The following POLR1C variants were observed in gnomAD, a reference collection of about 807,000 sequenced individuals.
The protein encoded by POLR1C is DNA-directed RNA polymerases I and III subunit RPAC1.
Under a neutral mutation model 38.3 loss-of-function variants are expected in POLR1C, and 42 were observed. The ratio of observed to expected loss-of-function variants is 1.10; its 90% confidence interval spans 0.86 to 1.42. POLR1C has a LOEUF of 1.42. Among genes scored for constraint, POLR1C ranks in the 40% most tolerant of loss-of-function variants. The pLI is 0.00. For missense variants in POLR1C, 507 were observed against 450.5 expected (o/e 1.13, Z -1.14); for synonymous variants, 163 against 163.9 (o/e 0.99, Z 0.04).
chr6:43,529,002 G>T, intron 8 of POLR1C: 2 of 1,358,090 alleles, frequency 1.5e-6, no homozygotes, highest in Non-Finnish European at 2.0e-6. Context: ...GCACCCCTGG[G>T]CAGAATCAAT....
chr6:43,523,938 GT>G, downstream of POLR1C: 1 of 1,614,000 alleles, frequency 6.2e-7, no homozygotes, highest in Non-Finnish European at 8.5e-7. Context: ...CATTGGCTTT[GT>G]TTTTTTGAAA....
chr6:43,536,712 G>T (rs1351463876), intron 9 of POLR1C, among the ~76,000 whole-genome samples: 1 of 126,296 alleles, frequency 7.9e-6, no homozygotes, highest in Non-Finnish European at 1.6e-5. Context: ...GTGAGCCAAG[G>T]TCGCGCCACT....
chr6:43,558,052 G>A (rs945650851), intron 10 of POLR1C, among the ~76,000 whole-genome samples: 1 of 150,914 alleles, frequency 6.6e-6, no homozygotes, highest in Non-Finnish European at 1.5e-5. Context: ...CCGAGATCGC[G>A]CCATTGCACT....
chr6:43,546,734 T>C, intron 9 of POLR1C: 1 of 1,601,378 alleles, frequency 6.2e-7, no homozygotes, highest in Non-Finnish European at 8.5e-7. Context: ...CCCAGAATGC[T>C]GTATACACAA....
downstream of POLR1C, among the ~76,000 whole-genome samples, chr6:43,530,052 T>C (rs896277176): frequency 1.3e-5 from 2 of 151,994 alleles, no homozygotes; most frequent in African/African-American, 2.4e-5. Context: ...GTCAGGAGTT[T>C]GAGACCAGCC....
intron 10 of POLR1C, among the ~76,000 whole-genome samples, chr6:43,557,009 T>A (rs918628007): frequency 6.6e-6 from 1 of 151,564 alleles, no homozygotes; most frequent in African/African-American, 2.4e-5. Flanking sequence ...ATGCCTATAA[T>A]CCCAGTTACT....
At chr6:43,527,366 G>T in intron 8 of POLR1C, 1 of 289,076 alleles carries the variant, frequency 3.5e-6, no homozygotes, top group Admixed American at 4.8e-5. Context: ...CCGCCTCCCG[G>T]GTTCAAGCGA....
downstream of POLR1C, among the ~76,000 whole-genome samples, chr6:43,532,466 G>A (rs767777231): frequency 6.6e-6 from 1 of 152,200 alleles, no homozygotes; most frequent in Non-Finnish European, 1.5e-5. Flanking sequence ...TGGGAACAAG[G>A]TTTAGACAAC....
chr6:43,551,971 G>A (rs1365152494), intron 10 of POLR1C, among the ~76,000 whole-genome samples: 1 of 152,106 alleles, frequency 6.6e-6, no homozygotes, highest in Non-Finnish European at 1.5e-5. Context: ...TCAGCTGTGC[G>A]TGCCCTTCTT....
chr6:43,528,425 T>TG (rs1793734338), intron 8 of POLR1C, among the ~76,000 whole-genome samples: 1 of 152,120 alleles, frequency 6.6e-6, no homozygotes, highest in South Asian at 2.1e-4. Flanking sequence ...AACACCTCTT[T>TG]GCTTGGAAAG....
downstream of POLR1C, chr6:43,522,516 A>C (rs566907079): frequency 1.1e-3 from 239 of 223,714 alleles, 1 homozygote; most frequent in African/African-American, 4.9e-3. Flanking sequence ...ATAGGCAGCT[A>C]TCAGGTTTGG....
intron 9 of POLR1C, among the ~76,000 whole-genome samples, chr6:43,550,530 C>T (rs935430598): frequency 1.3e-5 from 2 of 152,166 alleles, no homozygotes; most frequent in African/African-American, 4.8e-5. Flanking sequence ...TCACTAGGTT[C>T]CTCGCTTGAC....
At chr6:43,530,786 T>G (rs1042777782), downstream of POLR1C, 2 of 1,613,580 alleles carry the variant, frequency 1.2e-6, no homozygotes, top group African/African-American at 2.7e-5. Context: ...ATAGAAGTCT[T>G]GCTGCATGGA....
At chr6:43,560,055 G>A (rs1762331806) in intron 10 of POLR1C, 3 of 1,252,162 alleles carry the variant, frequency 2.4e-6, no homozygotes, top group Non-Finnish European at 2.2e-6. Context: ...CTGGGCTCAA[G>A]CGATCCTCCC....
downstream of POLR1C, chr6:43,523,538 G>A (rs1035079025): frequency 2.0e-6 from 1 of 494,758 alleles, no homozygotes; most frequent in Admixed American, 2.4e-5. Context: ...TTCTGTACAG[G>A]TATGTGGCTG....
At chr6:43,534,038 T>C (rs778786082), downstream of POLR1C, 5 of 1,539,484 alleles carry the variant, frequency 3.2e-6, no homozygotes, top group Admixed American at 8.6e-5. Context: ...ATTGAGCTTT[T>C]CCATCTGATG....
intron 9 of POLR1C, among the ~76,000 whole-genome samples, chr6:43,541,028 CTT>C (rs1304195536): frequency 6.6e-6 from 1 of 152,054 alleles, no homozygotes; most frequent in African/African-American, 2.4e-5. Context: ...TGTTCTCACT[CTT>C]TGTGGAATCT....
chr6:43,532,535 C>T (rs1054046371), downstream of POLR1C, among the ~76,000 whole-genome samples: 1 of 152,230 alleles, frequency 6.6e-6, no homozygotes, highest in Non-Finnish European at 1.5e-5. Flanking sequence ...GTGCTCCAGC[C>T]ACATGATTCA....
At chr6:43,521,831 C>A (rs1793208132), downstream of POLR1C, among the ~76,000 whole-genome samples, 1 of 152,186 alleles carries the variant, frequency 6.6e-6, no homozygotes, top group Non-Finnish European at 1.5e-5. Context: ...CCGCGAAAAA[C>A]AGGGGGCCTC....
Sources: allele counts gnomAD v4.1 joint callset (sites outside exome capture counted in the v4.1 genomes callset), GRCh38; gene constraint gnomAD v4.1.1; transcripts MANE v1.5; gene names NCBI Gene and HGNC (gene_info 2026-07-23, HGNC 2026-07-21).